The following CSMD1 variants were observed in gnomAD, a reference collection of about 807,000 sequenced individuals.
CSMD1 encodes CUB and sushi domain-containing protein 1.
A neutral mutation model predicts 417.5 loss-of-function variants in CSMD1; 213 were observed. That is an observed-to-expected ratio of 0.51 (90% CI 0.46 to 0.57). The LOEUF is 0.57. Ranked by LOEUF, CSMD1 falls within the 20% of genes least tolerant of loss-of-function variation. The pLI, the probability that CSMD1 is intolerant of heterozygous loss-of-function variation, is 0.00. For missense variants in CSMD1, 6,923 were observed against 4,529.7 expected (o/e 1.53, Z -15.17); for synonymous variants, 2,862 against 1,736.8 (o/e 1.65, Z -16.11).
At chr8:3,396,425 C>G (rs762219338) in intron 16 of CSMD1, 44 bp from the exon 17 acceptor site, 6 of 1,387,630 alleles carry the variant, frequency 4.3e-6, no homozygotes, top group African/African-American at 2.9e-5. Flanking sequence ...GCAGAACTGC[C>G]AGCTTACAGA....
intron 3 of CSMD1, among the ~76,000 whole-genome samples, chr8:4,107,586 G>C (rs563691304): frequency 6.6e-6 from 1 of 152,160 alleles, no homozygotes; most frequent in Non-Finnish European, 1.5e-5. Context: ...ATAAGCAAGC[G>C]CTTTGTGAAT....
chr8:3,778,364 C>T (rs187505386), intron 5 of CSMD1, among the ~76,000 whole-genome samples: 4 of 152,198 alleles, frequency 2.6e-5, no homozygotes, highest in Non-Finnish European at 4.4e-5. Flanking sequence ...TGTCTGGAAT[C>T]ATTTCGGTAA....
chr8:3,173,175 T>TA (rs1432061470), intron 37 of CSMD1, among the ~76,000 whole-genome samples: 1 of 152,208 alleles, frequency 6.6e-6, no homozygotes, highest in Admixed American at 6.5e-5. Context: ...GAGTAATTGT[T>TA]AAAACGCCAA....
chr8:3,909,718 G>A (rs908726958), intron 5 of CSMD1, among the ~76,000 whole-genome samples: 5 of 152,114 alleles, frequency 3.3e-5, no homozygotes, highest in East Asian at 1.9e-4. Context: ...GGCTTGTGTA[G>A]CAAAGGCAAA....
At chr8:3,474,683 A>G (rs534083251) in intron 11 of CSMD1, among the ~76,000 whole-genome samples, 1 of 152,260 alleles carries the variant, frequency 6.6e-6, no homozygotes, top group South Asian at 2.1e-4. Flanking sequence ...TGGTATACAG[A>G]GTTTTACTTG....
At chr8:3,797,961 C>A (rs1800251542) in intron 5 of CSMD1, among the ~76,000 whole-genome samples, 2 of 151,980 alleles carry the variant, frequency 1.3e-5, no homozygotes. Context: ...TAACTATTTA[C>A]TGGCATCTCA....
At chr8:4,969,125 G>A (rs1476290334) in intron 1 of CSMD1, among the ~76,000 whole-genome samples, 1 of 152,100 alleles carries the variant, frequency 6.6e-6, no homozygotes, top group African/African-American at 2.4e-5. Flanking sequence ...CAGGACGAAT[G>A]GATATGTACC....
intron 4 of CSMD1, among the ~76,000 whole-genome samples, chr8:4,017,049 C>T (rs1281064275): frequency 1.3e-5 from 2 of 152,140 alleles, no homozygotes; most frequent in Non-Finnish European, 2.9e-5. Flanking sequence ...GGAACAAAAG[C>T]AGATATTCAT....
intron 2 of CSMD1, among the ~76,000 whole-genome samples, chr8:4,526,724 G>C (rs1008939324): frequency 2.0e-5 from 3 of 152,108 alleles, no homozygotes; most frequent in Non-Finnish European, 4.4e-5. Flanking sequence ...GCTTAAATTT[G>C]CTTTCATATT....
At chr8:4,740,981 A>G (rs1810564807) in intron 1 of CSMD1, among the ~76,000 whole-genome samples, 1 of 152,216 alleles carries the variant, frequency 6.6e-6, no homozygotes, top group Non-Finnish European at 1.5e-5. Context: ...TATAATAAAA[A>G]TTAACAGGAA....
intron 41 of CSMD1, among the ~76,000 whole-genome samples, chr8:3,124,959 T>C (rs1817414433): frequency 6.6e-6 from 1 of 152,212 alleles, no homozygotes; most frequent in Admixed American, 6.6e-5. Flanking sequence ...AGTTACACTA[T>C]TTTTTGGTCT....
At chr8:3,905,427 C>T (rs1217584540) in intron 5 of CSMD1, among the ~76,000 whole-genome samples, 1 of 152,164 alleles carries the variant, frequency 6.6e-6, no homozygotes, top group Admixed American at 6.5e-5. Context: ...CAGGTGGCGT[C>T]AAGTCACTGT....
At chr8:4,308,313 G>A (rs770453185) in intron 3 of CSMD1, among the ~76,000 whole-genome samples, 5 of 151,868 alleles carry the variant, frequency 3.3e-5, no homozygotes, top group African/African-American at 4.8e-5. Flanking sequence ...GTGTATGTGT[G>A]GGGTGGTGTA....
At position 3,378,198 on chromosome 8, in the gene CSMD1, G is replaced by A. The variant is rs149914649; in HGVS notation, c.2783-8828C>T. Among the ~76,000 whole-genome samples the A allele has an allele frequency of 5.7e-3, 863 of 152,304 alleles. 7 individuals are homozygous for A. The highest frequency in any genetic ancestry group is 0.02 in the African/African-American group (829 of 41,564). On this transcript the variant is annotated intron_variant, in intron 18 of 69. Transcript: ENST00000635120. ...GTAGAAAATAGTCTTGGCTAAACCA[G>A]GAAGAAGTCGAATCCCTGAATAGAC...
intron 10 of CSMD1, among the ~76,000 whole-genome samples, chr8:3,506,314 T>C (rs1454199851): frequency 6.6e-6 from 1 of 152,186 alleles, no homozygotes; most frequent in Non-Finnish European, 1.5e-5. Flanking sequence ...TACCCGCTAT[T>C]TCTAGACATC....
Position 3,795,882 on chromosome 8 carries a change from C to CTATCATGTACAGATATAGATATATATA in CSMD1, c.819-41841_819-41840insTATATATATCTATATCTGTACATGATA, listed in dbSNP as rs1563088520. Among the ~76,000 whole-genome samples the CTATCATGTACAGATATAGATATATATA allele has an allele frequency of 6.2e-5, 4 of 64,652 alleles. 2 individuals are homozygous for CTATCATGTACAGATATAGATATATATA. The highest frequency in any genetic ancestry group is 2.2e-4 in the African/African-American group (4 of 18,230). The allele number at this position is 64,652 out of a possible 152,430, so 42.4% of individuals were successfully genotyped here. A position where few individuals can be genotyped will look rare whatever the true frequency, so the allele number is the denominator to read the frequency against. On this transcript the variant is annotated intron_variant, in intron 5 of 69. Coordinates refer to ENST00000635120, the MANE Select transcript of CSMD1 (RefSeq NM_033225.6). ...ATCATGTACAGATATAGATATATAT[C>CTATCATGTACAGATATAGATATATATA]TATCATGTACAGATATATATATCAT...
At chr8:3,962,667 T>C (rs1812407162) in intron 5 of CSMD1, among the ~76,000 whole-genome samples, 1 of 152,052 alleles carries the variant, frequency 6.6e-6, no homozygotes, top group African/African-American at 2.4e-5. Flanking sequence ...GATATGGAAA[T>C]CAGAGCAGCT....
At position 3,933,044 on chromosome 8, in the gene CSMD1, C is replaced by T. The variant is rs974559158; in HGVS notation, c.818+64859G>A. Among the ~76,000 whole-genome samples the T allele has an allele frequency of 5.5e-4, 72 of 129,834 alleles. 2 individuals are homozygous for T. The highest frequency in any genetic ancestry group is 2.1e-3 in the African/African-American group (71 of 34,360). The allele number at this position is 129,834 out of a possible 152,430, so 85.2% of individuals were successfully genotyped here. On this transcript the variant is annotated intron_variant, in intron 5 of 69. Coordinates refer to ENST00000635120, the MANE Select transcript of CSMD1 (RefSeq NM_033225.6). ...TGAAATGTATGATAAAAAAAAAAAA[C>T]TGCTTGTGGCAAATTATCTCATTAA...
intron 7 of CSMD1, among the ~76,000 whole-genome samples, chr8:3,694,097 G>C (rs987119212): frequency 6.6e-6 from 1 of 151,800 alleles, no homozygotes; most frequent in South Asian, 2.1e-4. Flanking sequence ...TGTGTTGTGT[G>C]TGTTTTGGGT....
Sources: gnomAD v4.1 joint callset for allele counts (sites outside exome capture counted in the v4.1 genomes callset) on GRCh38, gnomAD v4.1.1 for gene constraint, MANE v1.5 for transcripts, NCBI Gene and HGNC (gene_info 2026-07-23, HGNC 2026-07-21) for gene names.